Variants in PPM1E observed in about 807,000 individuals in gnomAD.
PPM1E encodes protein phosphatase 1E.
PPM1E carries 20 observed loss-of-function variants against 65.9 expected under a neutral mutation model. The observed-to-expected ratio is 0.30, with a 90% CI of 0.21 to 0.44. The LOEUF (loss-of-function observed/expected upper bound fraction) is 0.44. Among genes scored for constraint, PPM1E ranks in the 20% least tolerant of loss-of-function variants. The probability of loss-of-function intolerance (pLI) is 1.00; values close to 1 mark genes in which losing one functional copy is unlikely to be tolerated. For missense variants in PPM1E, 713 were observed against 953.1 expected, an observed-to-expected ratio of 0.75 and a Z score of 3.32; for synonymous variants, 352 against 374.9, an observed-to-expected ratio of 0.94 and a Z score of 0.70.
At chr17:58,919,817 A>C (rs940453631) in intron 1 of PPM1E, among the ~76,000 whole-genome samples, 2 of 152,066 alleles carry the variant, frequency 1.3e-5, no homozygotes, top group South Asian at 2.1e-4. Context: ...AAAGATAGAG[A>C]GTTCTTTCTC....
intron 1 of PPM1E, among the ~76,000 whole-genome samples, chr17:58,842,746 C>T (rs1175787927): frequency 6.6e-6 from 1 of 151,584 alleles, no homozygotes; most frequent in East Asian, 1.9e-4. Flanking sequence ...TGAGAACAGC[C>T]TGATCAACAT....
In PPM1E at chr17:58,816,112, G is replaced by A. The variant is rs561651124; in HGVS notation, c.464+59651G>A. On this transcript the variant is annotated intron_variant, in intron 1 of 6. Transcript: ENST00000308249. ...ATGATCTCAGTTCACTGCAACCTCC[G>A]CCTCCTGGGTTCAAGCAGTTCTCCT... 1.3e-4 allele frequency among the ~76,000 whole-genome samples: 19 copies of A among 151,940 alleles called. No individual in the cohort carries two copies. In the East Asian group the frequency reaches 3.5e-3, roughly 28 times the overall value.
chr17:58,883,737 G>A (rs898312248), intron 1 of PPM1E, among the ~76,000 whole-genome samples: 15 of 151,368 alleles, frequency 9.9e-5, no homozygotes, highest in Admixed American at 5.9e-4. Context: ...CGCCCGCCTC[G>A]GCCTCCCAAA....
intron 1 of PPM1E, among the ~76,000 whole-genome samples, chr17:58,804,809 C>T (rs996123994): frequency 5.3e-4 from 81 of 151,998 alleles, no homozygotes; most frequent in African/African-American, 1.9e-3. Flanking sequence ...TATTTTGTTA[C>T]ATAGAATGTG....
intron 1 of PPM1E, among the ~76,000 whole-genome samples, chr17:58,917,066 C>T (rs1055199786): frequency 4.6e-5 from 7 of 151,920 alleles, no homozygotes; most frequent in Middle Eastern, 6.8e-3. Context: ...AAAAATTATC[C>T]GGGCGTGGTT....
intron 1 of PPM1E, among the ~76,000 whole-genome samples, chr17:58,792,847 G>A (rs886335767): frequency 5.1e-5 from 7 of 138,392 alleles, no homozygotes; most frequent in African/African-American, 2.0e-4. Flanking sequence ...TCCGCCTCCT[G>A]GGTTCAAGCG....
chr17:58,760,408 C>G (rs2049810455), intron 1 of PPM1E, among the ~76,000 whole-genome samples: 1 of 152,180 alleles, frequency 6.6e-6, no homozygotes, highest in African/African-American at 2.4e-5. Flanking sequence ...TCTGGTGGGT[C>G]CATCCCTGAC....
chr17:58,971,838 G>T lies in PPM1E; in HGVS notation c.973-294G>T, dbSNP rs555367850. On this transcript the variant is annotated intron_variant, in intron 4 of 6. Coordinates refer to ENST00000308249, the MANE Select transcript of PPM1E (RefSeq NM_014906.5). ...CTGTCTTATATACTAATAGTTACCT[G>T]CCCTTGGGCAAGTCACATAACCTGC... is the stretch of plus-strand genomic sequence containing the variant. 6.6e-5 allele frequency among the ~76,000 whole-genome samples: 10 copies of T among 152,296 alleles called. No homozygotes were observed. In the South Asian group the frequency reaches 2.1e-3, roughly 32 times the overall value.
At chr17:58,956,643 A>G (rs1412843176) in intron 2 of PPM1E, among the ~76,000 whole-genome samples, 1 of 152,118 alleles carries the variant, frequency 6.6e-6, no homozygotes, top group Non-Finnish European at 1.5e-5. Flanking sequence ...CAGATAAATT[A>G]TGAGGCTCTA....
intron 6 of PPM1E, among the ~76,000 whole-genome samples, chr17:58,973,149 G>A (rs563612791): frequency 1.3e-5 from 2 of 152,308 alleles, no homozygotes; most frequent in African/African-American, 4.8e-5. Flanking sequence ...CAGGCTCAGT[G>A]GCTCATGCCT....
At chr17:58,814,709 TTGC>T (rs1203530498) in intron 1 of PPM1E, among the ~76,000 whole-genome samples, 1 of 152,242 alleles carries the variant, frequency 6.6e-6, no homozygotes, top group Non-Finnish European at 1.5e-5. Context: ...ATTTTAGGCT[TTGC>T]TGGCCATAAA....
chr17:58,930,596 G>C (rs573777862), intron 1 of PPM1E, among the ~76,000 whole-genome samples: 1 of 152,282 alleles, frequency 6.6e-6, no homozygotes, highest in Middle Eastern at 3.4e-3. Flanking sequence ...AGTAGAGATA[G>C]GTCAAGGAAG....
intron 1 of PPM1E, chr17:58,785,282 C>CTTTT (rs2050087920): frequency 7.5e-6 from 1 of 133,690 alleles, no homozygotes. Context: ...AATAATATAA[C>CTTTT]TTTTATTTAT....
chr17:58,944,804 G>C (rs2052124586), intron 1 of PPM1E, among the ~76,000 whole-genome samples: 1 of 152,164 alleles, frequency 6.6e-6, no homozygotes, highest in African/African-American at 2.4e-5. Flanking sequence ...ATTAATGTAT[G>C]AGTTTTTTGT....
chr17:58,756,070 C>T lies in PPM1E; in HGVS notation c.73C>T (p.Pro25Ser). Reference sequence around the variant, plus strand: ...GCTATTCCTGGGCGAGTTTCGCGGACCGTGCGGCGGCGGCGAGCCGGAGCC... The same window carrying T: ...GCTATTCCTGGGCGAGTTTCGCGGATCGTGCGGCGGCGGCGAGCCGGAGCC... ...LELFLGEFRG[P>S]CGGGEPEPEP... The change falls in exon 1 of 7, where the codon CCG becomes TCG. Residue 25 changes from proline (P) to serine (S), a missense_variant. Physicochemically the swap from Pro to Ser is moderately conservative, Grantham distance 74. Transcript: ENST00000308249. The T allele has an allele frequency of 6.2e-7, 1 of 1,613,302 alleles. No homozygotes were observed. The highest frequency in any genetic ancestry group is 8.5e-7 in the Non-Finnish European group (1 of 1,179,794).
chr17:58,927,783 G>A (rs537679890), intron 1 of PPM1E, among the ~76,000 whole-genome samples: 1 of 152,070 alleles, frequency 6.6e-6, no homozygotes, highest in African/African-American at 2.4e-5. Flanking sequence ...AGGCGGCCGG[G>A]CCCGGTGGCT....
chr17:58,917,009 A>AT (rs1217778745), intron 1 of PPM1E, among the ~76,000 whole-genome samples: 1 of 152,096 alleles, frequency 6.6e-6, no homozygotes, highest in Non-Finnish European at 1.5e-5. Context: ...CAGGAGTGTG[A>AT]GACCAGCCGA....
chr17:58,781,997 AAAT>A (rs1286797628), intron 1 of PPM1E, among the ~76,000 whole-genome samples: 16 of 152,322 alleles, frequency 1.1e-4, no homozygotes, highest in Middle Eastern at 3.4e-3. Context: ...TTCCAACAAA[AAAT>A]GTTATTTGTT....
chr17:58,856,302 C>T (rs964681006), intron 1 of PPM1E, among the ~76,000 whole-genome samples: 3 of 152,012 alleles, frequency 2.0e-5, no homozygotes, highest in South Asian at 2.1e-4. Flanking sequence ...TGCAATGGCG[C>T]GATCTCTGCT....
Sources: allele counts gnomAD v4.1 joint callset (sites outside exome capture counted in the v4.1 genomes callset), GRCh38; gene constraint gnomAD v4.1.1; transcripts MANE v1.5; gene names NCBI Gene and HGNC (gene_info 2026-07-23, HGNC 2026-07-21).